TIMP2: variants seen among roughly 807,000 people sequenced by gnomAD.
The protein encoded by TIMP2 is TIMP metallopeptidase inhibitor 2.
TIMP2 carries 5 observed loss-of-function variants against 24.3 expected under a neutral mutation model. That is an observed-to-expected ratio of 0.21 (90% CI 0.11 to 0.43). The LOEUF (loss-of-function observed/expected upper bound fraction) is 0.43. TIMP2 is among the 20% of genes least tolerant of loss of function. The pLI is 1.00. For synonymous variants in TIMP2, 130 were observed against 123.2 expected (o/e 1.06, Z -0.37); for missense variants, 221 against 297.5 (o/e 0.74, Z 1.89).
intron 1 of TIMP2, chr17:78,904,109 T>TGTGTGTGTGTGTGTGTGTGTGTGTGTG (rs1568005630): frequency 1.2e-4 from 5 of 42,560 alleles, no homozygotes; most frequent in African/African-American, 6.8e-4. Context: ...GTGTGTGTGT[T>TGTGTGTGTGTGTGTGTGTGTGTGTGTG]TTAGCAGAGA....
intron 1 of TIMP2, among the ~76,000 whole-genome samples, chr17:78,910,512 A>C (rs2070198175): frequency 6.6e-6 from 1 of 152,152 alleles, no homozygotes; most frequent in South Asian, 2.1e-4. Context: ...ACATTAATCC[A>C]ACAGTGACAT....
In TIMP2 at chr17:78,855,962, ACCTG is replaced by A. The variant is rs1187221605; in HGVS notation, c.466-102_466-99del. 1.4e-5 allele frequency: 18 copies of A among 1,251,002 alleles called. No individual in the cohort carries two copies. Among genetic ancestry groups the A allele is most frequent in the Non-Finnish European group, 2.1e-5 (18 of 868,626 alleles). The allele number at this position is 1,251,002 out of a possible 1,614,324, so 77.5% of individuals were successfully genotyped here. ...ATGTCCAGAACCCGGCAATGTGCCT[ACCTG>A]TCATGTGCAGGGATGGCAGCCTCTC... On this transcript the variant is annotated intron_variant, in intron 4 of 4. Transcript: ENST00000262768. This position sits in a 1 kb window ranked among gnomAD's most constrained non-coding sequence, Gnocchi z 6.0.
intron 1 of TIMP2, among the ~76,000 whole-genome samples, chr17:78,881,533 C>CT (rs1353723770): frequency 6.6e-6 from 1 of 152,284 alleles, no homozygotes; most frequent in Non-Finnish European, 1.5e-5. Context: ...GAGGACTCCA[C>CT]ACTGCGTAGA....
chr17:78,873,655 C>T (rs932758461), intron 2 of TIMP2, among the ~76,000 whole-genome samples, 164 bp downstream of exon 2: 7 of 152,136 alleles, frequency 4.6e-5, no homozygotes, highest in Non-Finnish European at 4.4e-5. Context: ...TTCAGGCATT[C>T]GAGGATTAAG....
At chr17:78,916,697 C>T (rs1192317559) in intron 1 of TIMP2, among the ~76,000 whole-genome samples, 1 of 152,190 alleles carries the variant, frequency 6.6e-6, no homozygotes, top group African/African-American at 2.4e-5. Flanking sequence ...TGCCCCCTCT[C>T]CCCCAGTGCA....
chr17:78,856,034 AG>A (rs2145743348), intron 4 of TIMP2, 170 bp from the exon 5 acceptor site: 1 of 673,838 alleles, frequency 1.5e-6, no homozygotes, highest in East Asian at 2.7e-5. Context: ...CTGGCCTGCG[AG>A]GGGGTCTAAC....
Position 78,924,950 on chromosome 17 carries a change from G to A in TIMP2, c.130+9C>T, listed in dbSNP as rs1265711192. 2.4e-6 allele frequency: 3 copies of A among 1,259,704 alleles called. No homozygotes were observed. The highest frequency in any genetic ancestry group is 2.0e-6 in the Non-Finnish European group (2 of 992,204). The allele number at this position is 1,259,704 out of a possible 1,614,324, so 78.0% of individuals were successfully genotyped here. On this transcript the variant is annotated intron_variant, in intron 1 of 4. Transcript: ENST00000262768. This position sits in a 1 kb window ranked among gnomAD's most constrained non-coding sequence, Gnocchi z 5.3. Reference sequence around the variant, plus strand: ...GCCCCGCGCGGGGGCTGGGGTCGCCGCTCCTTACCTACATCTGCATTGCAA... The same window carrying A: ...GCCCCGCGCGGGGGCTGGGGTCGCCACTCCTTACCTACATCTGCATTGCAA...
intron 4 of TIMP2, chr17:78,856,077 C>T (rs1298747892): frequency 8.5e-6 from 5 of 586,866 alleles, no homozygotes; most frequent in Admixed American, 5.9e-5. Context: ...CCCACCGCTG[C>T]CCCCCCTCCT....
chr17:78,856,285 G>A (rs1240944911), intron 4 of TIMP2: 1 of 198,952 alleles, frequency 5.0e-6, no homozygotes, highest in Non-Finnish European at 1.1e-5. Context: ...AGGAACCCTA[G>A]GCTACAAGAG....
chr17:78,886,272 C>A (rs886605301), intron 1 of TIMP2, among the ~76,000 whole-genome samples: 4 of 152,132 alleles, frequency 2.6e-5, no homozygotes, highest in African/African-American at 9.7e-5. Context: ...ACACATGGGT[C>A]ACAAATGCTA....
chr17:78,882,240 G>A (rs2069786448), intron 1 of TIMP2, among the ~76,000 whole-genome samples: 1 of 152,240 alleles, frequency 6.6e-6, no homozygotes, highest in Non-Finnish European at 1.5e-5. Context: ...CCAGAGTGCT[G>A]GGATTACAGG....
At chr17:78,889,147 G>A (rs1279719277) in intron 1 of TIMP2, among the ~76,000 whole-genome samples, 1 of 152,224 alleles carries the variant, frequency 6.6e-6, no homozygotes, top group African/African-American at 2.4e-5. Context: ...TACCACGGGG[G>A]CTGCACAGCT....
intron 1 of TIMP2, among the ~76,000 whole-genome samples, chr17:78,906,312 G>A (rs1599172988): frequency 6.6e-6 from 1 of 152,164 alleles, no homozygotes; most frequent in African/African-American, 2.4e-5. Context: ...AGGCTGCAGT[G>A]AGCTAAGATC....
intron 1 of TIMP2, among the ~76,000 whole-genome samples, chr17:78,888,037 A>G (rs1173186086): frequency 6.6e-6 from 1 of 152,180 alleles, no homozygotes; most frequent in African/African-American, 2.4e-5. Context: ...ACTCCACATA[A>G]TATCCTTTTT....
intron 1 of TIMP2, among the ~76,000 whole-genome samples, chr17:78,910,755 G>A (rs2070200198): frequency 6.6e-6 from 1 of 152,028 alleles, no homozygotes; most frequent in Non-Finnish European, 1.5e-5. Context: ...CATTCATGTT[G>A]CTGCAAATGA....
chr17:78,884,117 G>A (rs2069804158), intron 1 of TIMP2, among the ~76,000 whole-genome samples: 1 of 152,208 alleles, frequency 6.6e-6, no homozygotes, highest in Non-Finnish European at 1.5e-5. Flanking sequence ...GCAGGGACAG[G>A]AGCAGGACCG....
In TIMP2 at chr17:78,891,676, C is replaced by T. The variant is rs1411467983; in HGVS notation, c.131-17757G>A. On this transcript the variant is annotated intron_variant, in intron 1 of 4. Transcript: ENST00000262768. The surrounding 1 kb of genome is among the most constrained non-coding windows in gnomAD (Gnocchi z 4.5). ...CCCCCTTTCCCAGTTGCCTCCTCCC[C>T]GCCCGAGCTGTTCCTTTCTCTTTTT... The T allele has an allele frequency of 6.4e-6, 10 of 1,550,982 alleles. No individual in the cohort carries two copies. The highest frequency in any genetic ancestry group is 1.4e-5 in the African/African-American group (1 of 73,030).
At chr17:78,874,520 A>T (rs192470409) in intron 1 of TIMP2, among the ~76,000 whole-genome samples, 6 of 152,286 alleles carry the variant, frequency 3.9e-5, no homozygotes, top group Admixed American at 2.6e-4. Context: ...TTACATCTGG[A>T]AAGGTCTATC....
intron 1 of TIMP2, among the ~76,000 whole-genome samples, chr17:78,919,548 C>T (rs1263430930): frequency 6.6e-6 from 1 of 152,152 alleles, no homozygotes; most frequent in Non-Finnish European, 1.5e-5. Context: ...TTGAAAAAGA[C>T]CATCTGCTGG....
Sources: gnomAD v4.1 joint callset for allele counts (sites outside exome capture counted in the v4.1 genomes callset) on GRCh38, gnomAD v4.1.1 for gene constraint, Gnocchi (gnomAD v3.1) non-coding constraint, MANE v1.5 for transcripts, NCBI Gene and HGNC (gene_info 2026-07-23, HGNC 2026-07-21) for gene names.